The following DDX1 variants were observed in gnomAD, a reference collection of about 807,000 sequenced individuals.
DDX1 encodes the protein DEAD-box helicase 1, also known as ATP-dependent RNA helicase DDX1.
In DDX1, 28 loss-of-function variants were observed where a neutral mutation model predicts 108.7. That is an observed-to-expected ratio of 0.26 (90% confidence interval 0.19 to 0.35). The LOEUF (loss-of-function observed/expected upper bound fraction) is 0.35, where lower values mean the gene tolerates loss of function less well. DDX1 is among the 10% of genes least tolerant of loss of function. DDX1 has a pLI of 1.00. For missense variants in DDX1, 710 were observed against 884.5 expected (o/e 0.80, Z 2.50); for synonymous variants, 295 against 288.9 (o/e 1.02, Z -0.21).
At chr2:15,614,262 A>G (rs1262771529) in intron 14 of DDX1, among the ~76,000 whole-genome samples, 1 of 152,188 alleles carries the variant, frequency 6.6e-6, no homozygotes, top group African/African-American at 2.4e-5. Flanking sequence ...AAGCTAAACC[A>G]TCCGATATTG....
intron 1 of DDX1, among the ~76,000 whole-genome samples, chr2:15,592,453 C>A (rs1459806391): frequency 6.6e-6 from 1 of 152,152 alleles, no homozygotes. Context: ...CAGGCATAAA[C>A]CTGATCTTTA....
In DDX1 at chr2:15,621,860, G is replaced by T. The variant is rs149501914; in HGVS notation, c.1447+744G>T. On this transcript the variant is annotated intron_variant, in intron 18 of 25. Transcript: ENST00000233084. ...GTAGAGATGAGGTTTCACCATGTGGGCCAGGCTGGTCTTGAACTCCTGACC... is the reference window on the plus strand; with the variant it reads ...GTAGAGATGAGGTTTCACCATGTGGTCCAGGCTGGTCTTGAACTCCTGACC... Among the ~76,000 whole-genome samples, 622 of 152,172 alleles carry T rather than the reference G, an allele frequency of 4.1e-3. 3 individuals carry two copies. Among genetic ancestry groups the T allele is most frequent in the African/African-American group, 0.014 (583 of 41,518 alleles).
At chr2:15,612,441 G>C (rs1665790092) in intron 13 of DDX1, among the ~76,000 whole-genome samples, 1 of 151,426 alleles carries the variant, frequency 6.6e-6, no homozygotes, top group African/African-American at 2.4e-5. Flanking sequence ...TCACTTCCTA[G>C]ATGGGATGGT....
intron 13 of DDX1, among the ~76,000 whole-genome samples, chr2:15,608,673 T>TAGG (rs1274244906): frequency 2.3e-4 from 34 of 146,860 alleles, no homozygotes; most frequent in Admixed American, 2.1e-3. Context: ...GTTTTTTTTT[T>TAGG]TTTTTTTTTT....
chr2:15,629,522 A>T, intron 23 of DDX1, 80 bp from the exon 24 acceptor site: 1 of 1,070,006 alleles, frequency 9.3e-7, no homozygotes, highest in Admixed American at 2.8e-5. Flanking sequence ...ACAGAAAACA[A>T]TTAAAAACAA....
At chr2:15,593,760 C>CTT (rs955661537) in intron 1 of DDX1, among the ~76,000 whole-genome samples, 115 of 148,188 alleles carry the variant, frequency 7.8e-4, no homozygotes, top group African/African-American at 2.4e-3. Flanking sequence ...TTATCTGTGG[C>CTT]TTTTTTTTTT....
At chr2:15,630,131 A>C (rs375469026) in intron 25 of DDX1, 21 bp downstream of exon 25, 146 of 1,610,360 alleles carry the variant, frequency 9.1e-5, no homozygotes, top group Non-Finnish European at 1.1e-4. Flanking sequence ...AATTATTTTA[A>C]ATACAATTTT....
At chr2:15,600,429 C>T (rs1172513934) in intron 6 of DDX1, among the ~76,000 whole-genome samples, 1 of 152,224 alleles carries the variant, frequency 6.6e-6, no homozygotes. Flanking sequence ...CCTCAGGAAG[C>T]TTATGATACT....
intron 6 of DDX1, among the ~76,000 whole-genome samples, chr2:15,600,380 C>T (rs1248873164): frequency 6.6e-6 from 1 of 152,188 alleles, no homozygotes; most frequent in Non-Finnish European, 1.5e-5. Flanking sequence ...GGATACTTTC[C>T]TAAAGCAGTT....
intron 13 of DDX1, 47 bp downstream of exon 13, chr2:15,607,360 A>T (rs1472040590): frequency 2.5e-6 from 4 of 1,575,074 alleles, no homozygotes; most frequent in Non-Finnish European, 3.5e-6. Context: ...TTTGGTTTGA[A>T]GTTTTTTGGA....
chr2:15,625,642 T>C (rs1263928799), intron 19 of DDX1, among the ~76,000 whole-genome samples: 1 of 152,012 alleles, frequency 6.6e-6, no homozygotes, highest in African/African-American at 2.4e-5. Context: ...CAACTGTTCA[T>C]CCTTAAAATT....
intron 17 of DDX1, 131 bp downstream of exon 17, chr2:15,620,527 T>C: frequency 1.6e-6 from 1 of 622,070 alleles, no homozygotes; most frequent in South Asian, 2.8e-5. Context: ...TCGTAAACCC[T>C]TAGACCTTTA....
intron 18 of DDX1, among the ~76,000 whole-genome samples, chr2:15,622,609 A>G (rs1208669393): frequency 2.0e-5 from 3 of 152,226 alleles, no homozygotes; most frequent in Non-Finnish European, 4.4e-5. Flanking sequence ...TCTTGATTAA[A>G]GATTTGAACT....
At chr2:15,604,304 T>C (rs1665631173) in intron 9 of DDX1, 133 bp from the exon 10 acceptor site, 1 of 638,454 alleles carries the variant, frequency 1.6e-6, no homozygotes, top group Non-Finnish European at 2.7e-6. Flanking sequence ...TACTATTGTA[T>C]ATGTCATATG....
chr2:15,599,838 T>C (rs1384945903), intron 6 of DDX1, 122 bp downstream of exon 6: 1 of 690,572 alleles, frequency 1.4e-6, no homozygotes, highest in African/African-American at 1.8e-5. Context: ...TTAGTCACTA[T>C]CATTAAACAG....
chr2:15,602,399 G>A, intron 6 of DDX1, 149 bp from the exon 7 acceptor site: 1 of 595,680 alleles, frequency 1.7e-6, no homozygotes, highest in Non-Finnish European at 3.1e-6. Flanking sequence ...TCAGGAATCA[G>A]TAAGTCTCAG....
In DDX1 at chr2:15,617,233, C is replaced by G; in HGVS notation, c.1018-11C>G. ...TAGTTTTCATTAAGTGGTTGGTTTG[C>G]TTTTTTTCAGGTAGATATAGTTGTA... is the stretch of plus-strand genomic sequence containing the variant. On this transcript the variant is annotated splice_polypyrimidine_tract_variant and intron_variant, in intron 14 of 25. Coordinates refer to ENST00000233084, the MANE Select transcript of DDX1 (RefSeq NM_004939.3). 6.7e-7 allele frequency: 1 copy of G among 1,503,046 alleles called. No individual in the cohort carries two copies. The highest frequency in any genetic ancestry group is 9.0e-7 in the Non-Finnish European group (1 of 1,105,374). 93.1% of individuals were successfully genotyped at this position (1,503,046 alleles called of 1,614,324 possible).
intron 1 of DDX1, among the ~76,000 whole-genome samples, chr2:15,594,878 C>T (rs899729922): frequency 1.3e-5 from 2 of 152,200 alleles, no homozygotes; most frequent in Non-Finnish European, 2.9e-5. Flanking sequence ...TATAGCCCTG[C>T]AAGGTAGGCA....
chr2:15,630,991 G>T lies in DDX1; in HGVS notation c.*85G>T. On this transcript the variant is annotated 3_prime_UTR_variant, in exon 26 of 26. Transcript: ENST00000233084. ...ACAGTTGTACTGCTTCCAAGCAGCA[G>T]TATTTATAGTAACGTAAGCTATTAA... 1 of 1,327,090 alleles carries T rather than the reference G, an allele frequency of 7.5e-7. No homozygotes were observed. The highest frequency in any genetic ancestry group is 1.5e-5 in the African/African-American group (1 of 68,646). The allele number at this position is 1,327,090 out of a possible 1,614,324, so 82.2% of individuals were successfully genotyped here.
Sources: gnomAD v4.1 joint callset for allele counts (sites outside exome capture counted in the v4.1 genomes callset) on GRCh38, gnomAD v4.1.1 for gene constraint, MANE v1.5 for transcripts, NCBI Gene and HGNC (gene_info 2026-07-23, HGNC 2026-07-21) for gene names.